The following NDRG2 variants were observed in gnomAD, a reference collection of about 807,000 sequenced individuals.
NDRG2 encodes the protein protein NDRG2.
A neutral mutation model predicts 58.2 loss-of-function variants in NDRG2; 34 were observed. The observed-to-expected ratio is 0.58, with a 90% CI of 0.44 to 0.78. The LOEUF is 0.78. Among genes scored for constraint, NDRG2 ranks in the 30% least tolerant of loss-of-function variants. The pLI is 0.00. For missense variants in NDRG2, 434 were observed against 471.2 expected (o/e 0.92, Z 0.73); for synonymous variants, 187 against 175.9 (o/e 1.06, Z -0.50).
At chr14:21,021,289 C>CA (rs1180362054) in intron 6 of NDRG2, 1 of 364,156 alleles carries the variant, frequency 2.7e-6, no homozygotes, top group African/African-American at 2.1e-5. Flanking sequence ...AAAAGAGTGG[C>CA]AAAGTGGTGA....
intron 1 of NDRG2, chr14:21,036,387 C>A (rs371967198): frequency 2.5e-6 from 1 of 398,988 alleles, no homozygotes; most frequent in Non-Finnish European, 4.9e-6. Flanking sequence ...GAAGAATTGT[C>A]TTGGGCCGCA....
intron 1 of NDRG2, among the ~76,000 whole-genome samples, chr14:21,039,224 G>C (rs1170225755): frequency 2.0e-5 from 3 of 152,158 alleles, no homozygotes; most frequent in African/African-American, 7.2e-5. Context: ...GTCCTGTGGG[G>C]AAGACAGGCA....
At chr14:21,026,359 GTT>G, upstream of NDRG2, among the ~76,000 whole-genome samples, 1 of 144,414 alleles carries the variant, frequency 6.9e-6, no homozygotes, top group Non-Finnish European at 1.5e-5. Context: ...CTTCAGACTG[GTT>G]CCTGAGTTGC....
intron 1 of NDRG2, among the ~76,000 whole-genome samples, chr14:21,060,935 A>T (rs1196962582): frequency 6.6e-6 from 1 of 152,172 alleles, no homozygotes; most frequent in African/African-American, 2.4e-5. Flanking sequence ...TCCAAATAGC[A>T]CTGGGTTCCT....
rs1389557767 is a variant in NDRG2 at position 21,031,127 on chromosome 14, C to T, written c.25-7806G>A. The stretch of plus-strand genomic sequence containing the variant: ...TGAAGTCCTGGAGAACATTTATGGA[C>T]TCATGGAGGGCAAAGACCCAGCCAC... On this transcript the variant is annotated intron_variant, in intron 1 of 14. Coordinates refer to the NDRG2 transcript ENST00000403829. The T allele has an allele frequency of 9.3e-6, 15 of 1,614,106 alleles. No individual in the cohort carries two copies. In the African/African-American group the frequency reaches 1.5e-4, roughly 16 times the overall value.
At chr14:21,047,123 T>C (rs1885213637) in intron 1 of NDRG2, among the ~76,000 whole-genome samples, 1 of 152,216 alleles carries the variant, frequency 6.6e-6, no homozygotes, top group South Asian at 2.1e-4. Context: ...AATTTCCTAT[T>C]TTTTAACCAT....
chr14:21,063,975 T>A (rs1886115268), intron 1 of NDRG2, among the ~76,000 whole-genome samples: 1 of 152,218 alleles, frequency 6.6e-6, no homozygotes, highest in African/African-American at 2.4e-5. Flanking sequence ...AATTCACTGA[T>A]GCCCTACCGC....
intron 1 of NDRG2, chr14:21,042,321 G>A (rs2765901): frequency 0.18 from 27,043 of 152,098 alleles, 2,555 homozygotes; most frequent in East Asian, 0.37. Context: ...AGCGTAGCCC[G>A]GGCCAGCTCT....
intron 1 of NDRG2, among the ~76,000 whole-genome samples, chr14:21,055,835 G>A (rs537791882): frequency 1.5e-4 from 23 of 152,318 alleles, no homozygotes; most frequent in African/African-American, 5.3e-4. Flanking sequence ...CTGCAAGAGA[G>A]AAATGACTTC....
At chr14:21,027,311 A>C (rs1160156410), upstream of NDRG2, among the ~76,000 whole-genome samples, 3 of 152,228 alleles carry the variant, frequency 2.0e-5, no homozygotes, top group Non-Finnish European at 4.4e-5. Context: ...GCTTCACACT[A>C]TACCTTCAAG....
intron 1 of NDRG2, among the ~76,000 whole-genome samples, chr14:21,035,097 C>T (rs1884532681): frequency 6.6e-6 from 1 of 152,236 alleles, no homozygotes; most frequent in South Asian, 2.1e-4. Flanking sequence ...CTCACGGGAG[C>T]CCAGGAGGGC....
chr14:21,022,075 CAG>C lies in NDRG2; in HGVS notation c.329_330del (p.Pro110ArgfsTer48). ...CCTAACTCTTACCCCAAAGGGAACA[CAG>C]GGGCTCCCTCTTCCATTCCAGGGGC... Reference protein sequence around the residue: ...VDAPGMEEGAPVFPLGYQYPS... With the variant: ...VDAPGMEEGAXVFPLGYQYPS... On this transcript the variant is annotated frameshift_variant, in exon 5 of 16. Transcript: ENST00000556147. LOFTEE classifies it high-confidence loss of function. The C allele has an allele frequency of 6.2e-7, 1 of 1,614,180 alleles. No homozygotes were observed. Among genetic ancestry groups the C allele is most frequent in the Non-Finnish European group, 8.5e-7 (1 of 1,180,034 alleles).
rs1210230818 is a variant in NDRG2, at chr14:21,046,017, T to TA, written c.25-22697dup. On this transcript the variant is annotated intron_variant, in intron 1 of 14. Transcript: ENST00000403829. Reference sequence around the variant, plus strand: ...GAAAAAAAGATTTGTGTATTTTATGTAAGTTATATCTCATTTTCAAAAAAG... The same window carrying TA: ...GAAAAAAAGATTTGTGTATTTTATGTAAAGTTATATCTCATTTTCAAAAAAG... Among the ~76,000 whole-genome samples the TA allele has an allele frequency of 3.9e-5, 6 of 152,268 alleles. No individual in the cohort carries two copies. In the East Asian group the frequency reaches 1.2e-3, roughly 29 times the overall value.
intron 1 of NDRG2, among the ~76,000 whole-genome samples, chr14:21,065,985 A>C (rs1886242032): frequency 6.6e-6 from 1 of 152,118 alleles, no homozygotes; most frequent in African/African-American, 2.4e-5. Context: ...TGTAAACCCA[A>C]CTACTTGGGA....
In NDRG2 at chr14:21,070,162, A is replaced by C; in HGVS notation, c.24+666T>G. On this transcript the variant is annotated intron_variant, in intron 1 of 14. Transcript: ENST00000403829. This position sits in a 1 kb window ranked among gnomAD's most constrained non-coding sequence, Gnocchi z 4.7. ...CGGCGCGGGAGACAGAGTCCCGGCA[A>C]GGGGTCCCGCGCGGAGGCGGGGGCG... The C allele has an allele frequency of 9.7e-6, 2 of 206,208 alleles. No homozygotes were observed. Among genetic ancestry groups the C allele is most frequent in the Non-Finnish European group, 8.8e-6 (1 of 113,548 alleles). 12.8% of individuals were successfully genotyped at this position (206,208 alleles called of 1,614,324 possible).
upstream of NDRG2, among the ~76,000 whole-genome samples, chr14:21,028,240 C>T (rs1323685230): frequency 7.4e-6 from 1 of 134,500 alleles, no homozygotes; most frequent in East Asian, 2.4e-4. Flanking sequence ...TCTTGGGGTT[C>T]TTTTTGTTTT....
chr14:21,032,445 A>C, intron 1 of NDRG2: 1 of 411,858 alleles, frequency 2.4e-6, no homozygotes, highest in Non-Finnish European at 4.8e-6. Context: ...CCACCCCTCA[A>C]AAGGGTGTAG....
intron 1 of NDRG2, chr14:21,058,480 C>G (rs1212547485): frequency 1.5e-6 from 1 of 685,820 alleles, no homozygotes; most frequent in African/African-American, 1.8e-5. Flanking sequence ...CACACTCAAC[C>G]TCACATACTC....
chr14:21,032,249 C>T (rs1884259829), intron 1 of NDRG2: 1 of 722,392 alleles, frequency 1.4e-6, no homozygotes, highest in Non-Finnish European at 2.5e-6. Flanking sequence ...AGGGTGGGTT[C>T]TCCACCACAC....
Sources: allele counts gnomAD v4.1 joint callset (sites outside exome capture counted in the v4.1 genomes callset), GRCh38; gene constraint gnomAD v4.1.1; non-coding constraint Gnocchi (gnomAD v3.1); transcripts MANE v1.5; gene names NCBI Gene and HGNC (gene_info 2026-07-23, HGNC 2026-07-21).